Variants in NUP93 observed in about 807,000 individuals in gnomAD.
NUP93 encodes nuclear pore complex protein Nup93.
A neutral mutation model predicts 107.8 loss-of-function variants in NUP93; 55 were observed. The observed-to-expected ratio is 0.51, with a 90% CI of 0.41 to 0.64. The LOEUF (loss-of-function observed/expected upper bound fraction) is 0.64. NUP93 is among the 30% of genes least tolerant of loss of function. NUP93 has a pLI of 0.00. For missense variants in NUP93, 937 were observed against 1,044.7 expected (o/e 0.90, Z 1.42); for synonymous variants, 390 against 397.5 (o/e 0.98, Z 0.22).
chr16:56,740,241 C>T (rs1440007629), intron 1 of NUP93, among the ~76,000 whole-genome samples: 2,519 of 121,384 alleles, frequency 0.021, no homozygotes, highest in East Asian at 0.15. Flanking sequence ...GGGCAGCTGC[C>T]GGGCGGAGGG....
chr16:56,731,037 C>T (rs1035309889), intron 1 of NUP93, among the ~76,000 whole-genome samples: 1 of 152,008 alleles, frequency 6.6e-6, no homozygotes, highest in Non-Finnish European at 1.5e-5. Context: ...CCTAGCTTTT[C>T]TTCTTTATTT....
chr16:56,773,848 A>G (rs1348746078), intron 3 of NUP93, among the ~76,000 whole-genome samples: 1 of 152,248 alleles, frequency 6.6e-6, no homozygotes, highest in African/African-American at 2.4e-5. Flanking sequence ...TAAACAAAGC[A>G]GACTGCAAAG....
chr16:56,750,345 A>T (rs1313498619), intron 2 of NUP93, among the ~76,000 whole-genome samples: 1 of 152,252 alleles, frequency 6.6e-6, no homozygotes, highest in African/African-American at 2.4e-5. Context: ...ATTTTAGTAC[A>T]TACAAGATGA....
intron 20 of NUP93, chr16:56,839,844 G>A (rs1963986474): frequency 2.1e-6 from 1 of 473,512 alleles, no homozygotes; most frequent in Non-Finnish European, 3.9e-6. Context: ...TGATTGACAT[G>A]TTCTTGGGAG....
At chr16:56,744,324 ATC>A in intron 1 of NUP93, among the ~76,000 whole-genome samples, 1 of 152,114 alleles carries the variant, frequency 6.6e-6, no homozygotes, top group Non-Finnish European at 1.5e-5. Flanking sequence ...TAGTGGTTTA[ATC>A]TCTCTATTTT....
At chr16:56,800,055 C>A (rs1962987062) in intron 4 of NUP93, among the ~76,000 whole-genome samples, 1 of 152,094 alleles carries the variant, frequency 6.6e-6, no homozygotes, top group South Asian at 2.1e-4. Context: ...TGGTGGCGCA[C>A]ACCTATAGTC....
At chr16:56,779,158 G>A (rs1249441521) in intron 3 of NUP93, among the ~76,000 whole-genome samples, 1 of 152,180 alleles carries the variant, frequency 6.6e-6, no homozygotes, top group Admixed American at 6.5e-5. Flanking sequence ...AGACAGAGCA[G>A]AGCCCACCAA....
chr16:56,770,720 A>G (rs1962303905), intron 3 of NUP93, among the ~76,000 whole-genome samples: 1 of 152,096 alleles, frequency 6.6e-6, no homozygotes, highest in South Asian at 2.1e-4. Flanking sequence ...TTGATAATAG[A>G]GAAGTGAGGG....
At chr16:56,827,322 G>A (rs1234560179) in intron 8 of NUP93, among the ~76,000 whole-genome samples, 42 of 152,026 alleles carry the variant, frequency 2.8e-4, no homozygotes, top group Admixed American at 2.8e-3. Flanking sequence ...TAAATGGAGA[G>A]GGAATGGTAG....
At chr16:56,761,606 A>G (rs530694363) in intron 3 of NUP93, among the ~76,000 whole-genome samples, 16 of 151,832 alleles carry the variant, frequency 1.1e-4, no homozygotes, top group African/African-American at 3.6e-4. Context: ...ATGTGCTATC[A>G]GTCAGAGGGA....
intron 17 of NUP93, among the ~76,000 whole-genome samples, chr16:56,837,338 G>A (rs1171092133): frequency 3.9e-5 from 6 of 152,290 alleles, no homozygotes; most frequent in Non-Finnish European, 7.3e-5. Context: ...CAAGGCAGGC[G>A]CATCACTTGA....
chr16:56,837,542 T>G, intron 17 of NUP93, 66 bp from the exon 18 acceptor site: 4 of 1,268,452 alleles, frequency 3.2e-6, no homozygotes, highest in South Asian at 1.2e-5. Context: ...GTAGGGGGCA[T>G]TATATAGTTG....
intron 1 of NUP93, among the ~76,000 whole-genome samples, chr16:56,744,032 C>G (rs1961781449): frequency 6.6e-6 from 1 of 152,184 alleles, no homozygotes; most frequent in South Asian, 2.1e-4. Context: ...TAGTGCTGTT[C>G]TGCTGTCCCT....
chr16:56,839,140 AT>A (rs1411339573), intron 19 of NUP93, 71 bp downstream of exon 19: 4 of 1,041,228 alleles, frequency 3.8e-6, no homozygotes, highest in Non-Finnish European at 5.8e-6. Flanking sequence ...ACTTCATGGA[AT>A]TTACTTAAAA....
chr16:56,823,875 GCTTTCACATC>G (rs763857738), intron 8 of NUP93, 29 bp downstream of exon 8: 21 of 1,606,214 alleles, frequency 1.3e-5, no homozygotes, highest in Non-Finnish European at 1.7e-5. Context: ...AGTGGGGCTG[GCTTTCACATC>G]CTTTGCAGTC....
Position 56,735,046 on chromosome 16 carries a change from G to A in NUP93, c.-15+4835G>A, listed in dbSNP as rs555131734. ...ATTATACAAATAAAGCCCATAGTGGGGACTCATACACAGACAGAGCTCAGG... is the reference window on the plus strand; with the variant it reads ...ATTATACAAATAAAGCCCATAGTGGAGACTCATACACAGACAGAGCTCAGG... On this transcript the variant is annotated intron_variant, in intron 1 of 21. Transcript: ENST00000308159. Among the ~76,000 whole-genome samples the A allele has an allele frequency of 3.0e-4, 46 of 152,292 alleles. 3 individuals are homozygous for A. The South Asian group carries it at 6.0e-3, about 20-fold the overall frequency.
At chr16:56,842,261 G>A (rs770314248) in intron 21 of NUP93, among the ~76,000 whole-genome samples, 10 of 152,160 alleles carry the variant, frequency 6.6e-5, no homozygotes, top group Non-Finnish European at 1.5e-4. Context: ...CCCTAGAGAG[G>A]TAACTAGGAC....
chr16:56,835,479 G>T (rs1963890008), intron 16 of NUP93, among the ~76,000 whole-genome samples: 1 of 152,240 alleles, frequency 6.6e-6, no homozygotes, highest in African/African-American at 2.4e-5. Flanking sequence ...CAGTGGCCTT[G>T]CTTATTGGGC....
intron 3 of NUP93, chr16:56,782,077 C>T (rs1253900861): frequency 2.0e-6 from 2 of 985,330 alleles, no homozygotes; most frequent in African/African-American, 1.7e-5. Flanking sequence ...ACCCCCATCC[C>T]TCAATTCAGG....
Sources: allele counts gnomAD v4.1 joint callset (sites outside exome capture counted in the v4.1 genomes callset), GRCh38; gene constraint gnomAD v4.1.1; transcripts MANE v1.5; gene names NCBI Gene and HGNC (gene_info 2026-07-23, HGNC 2026-07-21).